The following ELOVL4 variants were observed in gnomAD, a reference collection of about 807,000 sequenced individuals.
ELOVL4 encodes the protein ELOVL fatty acid elongase 4, also known as very long chain fatty acid elongase 4.
Under a neutral mutation model 42.1 loss-of-function variants are expected in ELOVL4, and 18 were observed. The ratio of observed to expected loss-of-function variants is 0.43; its 90% CI spans 0.30 to 0.63. The LOEUF (loss-of-function observed/expected upper bound fraction) is 0.63. Among genes scored for constraint, ELOVL4 ranks in the 30% least tolerant of loss-of-function variants. ELOVL4 has a pLI of 0.15. For synonymous variants in ELOVL4, 117 were observed against 127.0 expected (o/e 0.92, Z 0.53); for missense variants, 299 against 376.2 (o/e 0.79, Z 1.70).
At chr6:79,918,206 A>C (rs1402994808) in intron 5 of ELOVL4, among the ~76,000 whole-genome samples, 1 of 152,188 alleles carries the variant, frequency 6.6e-6, no homozygotes, top group African/African-American at 2.4e-5. Context: ...GTAAGCTAAA[A>C]ATTTATACTA....
chr6:79,945,973 C>A (rs1265806703), intron 1 of ELOVL4, among the ~76,000 whole-genome samples: 1 of 152,164 alleles, frequency 6.6e-6, no homozygotes, highest in Non-Finnish European at 1.5e-5. Context: ...TTGTCTCTCA[C>A]AAAAATAATT....
At chr6:79,927,909 G>A (rs368159840) in intron 1 of ELOVL4, among the ~76,000 whole-genome samples, 22 of 152,104 alleles carry the variant, frequency 1.4e-4, no homozygotes, top group African/African-American at 5.3e-4. Context: ...CTCACAAGGA[G>A]GAAATGACTT....
At chr6:79,941,307 C>G (rs562564669) in intron 1 of ELOVL4, among the ~76,000 whole-genome samples, 1 of 152,220 alleles carries the variant, frequency 6.6e-6, no homozygotes, top group South Asian at 2.1e-4. Flanking sequence ...AGCAGCAGAC[C>G]AGGACTAAAA....
In ELOVL4 at chr6:79,916,246, C is replaced by A. The variant is rs1774157982; in HGVS notation, c.*362G>T. The A allele has an allele frequency of 9.3e-6, 2 of 214,078 alleles. No homozygotes were observed. Among genetic ancestry groups the A allele is most frequent in the African/African-American group, 2.3e-5 (1 of 42,876 alleles). The allele number at this position is 214,078 out of a possible 1,614,324, so 13.3% of individuals were successfully genotyped here. A position where few individuals can be genotyped will look rare whatever the true frequency, so the allele number is the denominator to read the frequency against. On this transcript the variant is annotated 3_prime_UTR_variant, in exon 6 of 6. Transcript: ENST00000369816. Reference sequence around the variant, plus strand: ...ATTTATCAAAATAATTCATAAAGACCGTTTCTGTGATCGTCTAAAATTCAG... The same window carrying A: ...ATTTATCAAAATAATTCATAAAGACAGTTTCTGTGATCGTCTAAAATTCAG...
chr6:79,945,190 C>CA (rs1445975341), intron 1 of ELOVL4, among the ~76,000 whole-genome samples: 1 of 152,114 alleles, frequency 6.6e-6, no homozygotes, highest in African/African-American at 2.4e-5. Context: ...TAAGGTAGCT[C>CA]ATTACAGAAA....
chr6:79,929,489 C>T (rs1774407570), intron 1 of ELOVL4, among the ~76,000 whole-genome samples: 1 of 152,126 alleles, frequency 6.6e-6, no homozygotes, highest in Non-Finnish European at 1.5e-5. Context: ...AATCCATCCA[C>T]CTTGGCCTCC....
At chr6:79,921,333 TG>T (rs982447083) in intron 4 of ELOVL4, among the ~76,000 whole-genome samples, 12 of 151,206 alleles carry the variant, frequency 7.9e-5, no homozygotes, top group Non-Finnish European at 1.3e-4. Flanking sequence ...TGGTGGTGTG[TG>T]CCTGTAGTCC....
At chr6:79,941,174 T>C (rs775507665) in intron 1 of ELOVL4, among the ~76,000 whole-genome samples, 1 of 152,240 alleles carries the variant, frequency 6.6e-6, no homozygotes, top group Non-Finnish European at 1.5e-5. Context: ...GTGATATCTA[T>C]ATCTAGACTT....
intron 4 of ELOVL4, among the ~76,000 whole-genome samples, chr6:79,920,773 C>CT (rs1204073562): frequency 2.0e-5 from 3 of 152,104 alleles, no homozygotes; most frequent in Non-Finnish European, 4.4e-5. Context: ...CTAAGAGGGT[C>CT]TTTTTTCCCT....
Position 79,916,657 on chromosome 6 carries a change from A to T in ELOVL4, c.896T>A (p.Met299Lys), listed in dbSNP as rs1774166281. 1 of 1,613,812 alleles carries T rather than the reference A, an allele frequency of 6.2e-7. No homozygotes were observed. Among genetic ancestry groups the T allele is most frequent in the Non-Finnish European group, 8.5e-7 (1 of 1,180,002 alleles). Residue 299 changes from methionine to lysine, a missense_variant, in exon 6 of 6, where the codon ATG (methionine) becomes AAG (lysine). Physicochemically the swap from Met to Lys is moderately conservative, Grantham distance 95. Coordinates refer to ENST00000369816, the MANE Select transcript of ELOVL4 (RefSeq NM_022726.4). Reference sequence around the variant, plus strand: ...TTTCTGCTTTTTTCCATTTTCTATCATGAGTTGTTTTTCTGATTTGCTCAC... The same window carrying T: ...TTTCTGCTTTTTTCCATTTTCTATCTTGAGTTGTTTTTCTGATTTGCTCAC... The part of the protein sequence containing the change: ...NGVSKSEKQL[M>K]IENGKKQKNG...
At chr6:79,935,556 T>G (rs1207011965) in intron 1 of ELOVL4, among the ~76,000 whole-genome samples, 1 of 152,148 alleles carries the variant, frequency 6.6e-6, no homozygotes, top group Non-Finnish European at 1.5e-5. Context: ...TCATTTATTT[T>G]CTAGCCCCAT....
chr6:79,945,518 G>A (rs1276489700), intron 1 of ELOVL4, among the ~76,000 whole-genome samples: 1 of 152,114 alleles, frequency 6.6e-6, no homozygotes, highest in African/African-American at 2.4e-5. Flanking sequence ...TCAAGAGATG[G>A]GAAAGCTCCG....
At chr6:79,923,569 A>G (rs945820062) in intron 3 of ELOVL4, among the ~76,000 whole-genome samples, 3 of 152,186 alleles carry the variant, frequency 2.0e-5, no homozygotes, top group African/African-American at 7.2e-5. Flanking sequence ...TAGTTATCAG[A>G]AGAAAATTTT....
intron 1 of ELOVL4, among the ~76,000 whole-genome samples, chr6:79,932,009 C>T (rs1774453520): frequency 6.6e-6 from 1 of 152,252 alleles, no homozygotes; most frequent in South Asian, 2.1e-4. Flanking sequence ...TACTAAGGCA[C>T]ATTACACCTT....
rs1554162853 is a variant in ELOVL4, at chr6:79,928,755, T to TTA, written c.101-2375_101-2374insTA. On this transcript the variant is annotated intron_variant, in intron 1 of 5. Transcript: ENST00000369816. ...TTTTTTTTTTTTTTTTTTTTTTTTT[T>TTA]AAGAAATGGAGTCTCATTCTATTGT... is the stretch of plus-strand genomic sequence containing the variant. 2.7e-5 allele frequency among the ~76,000 whole-genome samples: 4 copies of TTA among 145,496 alleles called. No individual in the cohort carries two copies. In the East Asian group the frequency reaches 6.1e-4, roughly 22 times the overall value.
Position 79,932,028 on chromosome 6 carries a change from C to T in ELOVL4, c.101-5647G>A, listed in dbSNP as rs145102661. Among the ~76,000 whole-genome samples, 6 of 152,104 alleles carry T rather than the reference C, an allele frequency of 3.9e-5. No individual in the cohort carries two copies. In the East Asian group the frequency reaches 9.6e-4, roughly 24 times the overall value. ...AAGGCACATTACACCTTAACCCTTG[C>T]GGACCCTTAAAGAGTTAATAAATAG... On this transcript the variant is annotated intron_variant, in intron 1 of 5. Coordinates refer to ENST00000369816, the MANE Select transcript of ELOVL4 (RefSeq NM_022726.4).
rs111932627 is a variant in ELOVL4, at chr6:79,922,654, A to G, written c.370-858T>C. Among the ~76,000 whole-genome samples the G allele has an allele frequency of 2.8e-3, 421 of 152,340 alleles. 2 individuals carry two copies. The highest frequency in any genetic ancestry group is 9.6e-3 in the African/African-American group (398 of 41,570). ...TTAAGGCAGTACATAACTAAAATCT[A>G]TTTATAAGCTTTCATGTGTTAGGGC... On this transcript the variant is annotated intron_variant, in intron 3 of 5. Coordinates refer to ENST00000369816, the MANE Select transcript of ELOVL4 (RefSeq NM_022726.4).
intron 1 of ELOVL4, among the ~76,000 whole-genome samples, chr6:79,932,398 A>G (rs1033248135): frequency 6.6e-6 from 1 of 151,952 alleles, no homozygotes; most frequent in African/African-American, 2.4e-5. Context: ...AAAAAAATTT[A>G]GCTGGGCGTG....
chr6:79,947,128 C>T, intron 1 of ELOVL4, 52 bp downstream of exon 1: 1 of 1,460,164 alleles, frequency 6.8e-7, no homozygotes, highest in Non-Finnish European at 9.5e-7. Context: ...GACCAGGGGC[C>T]GGTGACCCCC....
Sources: gnomAD v4.1 joint callset for allele counts (sites outside exome capture counted in the v4.1 genomes callset) on GRCh38, gnomAD v4.1.1 for gene constraint, MANE v1.5 for transcripts, NCBI Gene and HGNC (gene_info 2026-07-23, HGNC 2026-07-21) for gene names.